The following DCAF6 variants were observed in gnomAD, a reference collection of about 807,000 sequenced individuals.
The protein encoded by DCAF6 is DDB1 and CUL4 associated factor 6, also known as DDB1- and CUL4-associated factor 6.
In DCAF6, 54 loss-of-function variants were observed where a neutral mutation model predicts 125.1. The observed-to-expected ratio is 0.43, with a 90% CI of 0.35 to 0.54. DCAF6 has a LOEUF of 0.54. DCAF6 is among the 20% of genes least tolerant of loss of function. The pLI is 0.01. For missense variants in DCAF6, 934 were observed against 1,161.7 expected (o/e 0.80, Z 2.85); for synonymous variants, 371 against 390.4 (o/e 0.95, Z 0.58).
chr1:168,043,347 C>T (rs1688785928), intron 14 of DCAF6, among the ~76,000 whole-genome samples: 1 of 152,056 alleles, frequency 6.6e-6, no homozygotes, highest in Non-Finnish European at 1.5e-5. Context: ...AAGCACAATC[C>T]TCTTTGTGGA....
At chr1:167,942,298 A>C (rs547671402) in intron 1 of DCAF6, among the ~76,000 whole-genome samples, 9 of 152,270 alleles carry the variant, frequency 5.9e-5, no homozygotes, top group African/African-American at 2.2e-4. Context: ...TCCTGACCTC[A>C]GGTGATTGAC....
the DCAF6 span, among the ~76,000 whole-genome samples, chr1:167,907,013 T>C: frequency 1.1e-4 from 17 of 152,194 alleles, no homozygotes; most frequent in African/African-American, 4.1e-4. Flanking sequence ...GATTGAAAAG[T>C]ATAACAAGCA....
At chr1:167,964,784 T>G (rs1396739002) in intron 2 of DCAF6, among the ~76,000 whole-genome samples, 1 of 152,236 alleles carries the variant, frequency 6.6e-6, no homozygotes, top group Non-Finnish European at 1.5e-5. Flanking sequence ...TATTGATATA[T>G]CCTCAAGGTC....
chr1:167,936,648 A>AG (rs764259610), upstream of DCAF6: 24 of 394,578 alleles, frequency 6.1e-5, no homozygotes, highest in East Asian at 9.1e-4. Flanking sequence ...CTCCTGTTGG[A>AG]GGGGGGCTGA....
At chr1:167,953,846 G>A (rs1332431883) in intron 2 of DCAF6, among the ~76,000 whole-genome samples, 1 of 151,962 alleles carries the variant, frequency 6.6e-6, no homozygotes, top group Non-Finnish European at 1.5e-5. Flanking sequence ...TGATCTGCCC[G>A]CCTTGGCCTC....
chr1:167,959,307 A>G (rs960170320), intron 2 of DCAF6, among the ~76,000 whole-genome samples: 1 of 152,180 alleles, frequency 6.6e-6, no homozygotes, highest in African/African-American at 2.4e-5. Flanking sequence ...GCTTCCAAAA[A>G]TTGGCAGTTA....
chr1:167,930,265 TAA>T, the DCAF6 span, among the ~76,000 whole-genome samples: 1 of 152,134 alleles, frequency 6.6e-6, no homozygotes, highest in African/African-American at 2.4e-5. Context: ...AAAGAACAGG[TAA>T]AGAGACTAAA....
intron 1 of DCAF6, among the ~76,000 whole-genome samples, chr1:167,949,190 A>G (rs1381494061): frequency 6.6e-6 from 1 of 152,184 alleles, no homozygotes; most frequent in African/African-American, 2.4e-5. Flanking sequence ...TGAAGTACAG[A>G]AAGACTTGAG....
chr1:168,051,864 A>G (rs1429123067), intron 17 of DCAF6, among the ~76,000 whole-genome samples: 1 of 150,198 alleles, frequency 6.7e-6, no homozygotes, highest in African/African-American at 2.4e-5. Context: ...TCAAATTATT[A>G]CTAGTTATCA....
intron 16 of DCAF6, among the ~76,000 whole-genome samples, chr1:168,048,228 G>T (rs1689385141): frequency 6.6e-6 from 1 of 152,116 alleles, no homozygotes; most frequent in Admixed American, 6.5e-5. Flanking sequence ...CACCTAAAAG[G>T]ATGTATGTCT....
intron 4 of DCAF6, 94 bp downstream of exon 4, chr1:167,975,109 G>A: frequency 1.4e-6 from 1 of 702,808 alleles, no homozygotes; most frequent in Non-Finnish European, 2.1e-6. Flanking sequence ...TACATGTACA[G>A]ATGTGTGTGT....
At chr1:167,966,230 G>A (rs1020560430) in intron 2 of DCAF6, among the ~76,000 whole-genome samples, 3 of 152,120 alleles carry the variant, frequency 2.0e-5, no homozygotes, top group African/African-American at 7.2e-5. Context: ...AGCTTCTTAC[G>A]TGTGGAACTG....
the DCAF6 span, among the ~76,000 whole-genome samples, chr1:167,881,649 C>A: frequency 6.6e-6 from 1 of 152,234 alleles, no homozygotes; most frequent in African/African-American, 2.4e-5. Context: ...ATAGGCATTA[C>A]ACCAAGTGCC....
Position 168,015,964 on chromosome 1 carries a change from A to G in DCAF6, c.1549+13A>G. On this transcript the variant is annotated intron_variant, in intron 11 of 21. Transcript: ENST00000367840. Reference sequence around the variant, plus strand: ...CCTCATGCTTCAGGTTATTAATGTCAAGTGTCCTTAAGCAGCTGATAGAAT... The same window carrying G: ...CCTCATGCTTCAGGTTATTAATGTCGAGTGTCCTTAAGCAGCTGATAGAAT... The G allele has an allele frequency of 6.8e-7, 1 of 1,462,882 alleles. No homozygotes were observed. The allele number at this position is 1,462,882 out of a possible 1,614,324, so 90.6% of individuals were successfully genotyped here.
rs878871477 is a variant in DCAF6 at position 168,045,100 on chromosome 1, G to A, written c.2131G>A (p.Glu711Lys). The part of the protein sequence containing the change: ...NTNPEPQFQT[E>K]ATGPSAHEET... ...CAATCCTGAGCCTCAGTTCCAAACA[G>A]AAGCCACTGGGCCTTCAGCTCATGA... Residue 711 changes from glutamate to lysine, a missense_variant, in exon 16 of 22, where the codon GAA (glutamate) becomes AAA (lysine). Glu to Lys is a moderately conservative substitution (Grantham distance 56). Transcript: ENST00000367840. The A allele has an allele frequency of 1.2e-6, 2 of 1,614,020 alleles. No individual in the cohort carries two copies. The highest frequency in any genetic ancestry group is 2.2e-5 in the South Asian group (2 of 91,086).
intron 16 of DCAF6, among the ~76,000 whole-genome samples, chr1:168,048,742 T>C (rs1689450525): frequency 6.6e-6 from 1 of 152,194 alleles, no homozygotes; most frequent in Admixed American, 6.5e-5. Flanking sequence ...GTAAATATTT[T>C]GGCTTTGTTG....
At chr1:168,057,246 GT>G (rs1690993250) in intron 17 of DCAF6, among the ~76,000 whole-genome samples, 1 of 152,040 alleles carries the variant, frequency 6.6e-6, no homozygotes, top group African/African-American at 2.4e-5. Flanking sequence ...ATATTTTTTA[GT>G]GCTATTTAAT....
intron 5 of DCAF6, among the ~76,000 whole-genome samples, chr1:167,989,879 C>T (rs1680585235): frequency 6.6e-6 from 1 of 151,464 alleles, no homozygotes; most frequent in Non-Finnish European, 1.5e-5. Context: ...AAAAAAATTA[C>T]TGAGAAGAAT....
the DCAF6 span, chr1:167,875,167 G>A: frequency 6.2e-7 from 1 of 1,614,128 alleles, no homozygotes; most frequent in Non-Finnish European, 8.5e-7. Context: ...TTGCAGATGA[G>A]GCACGCCATA....
Sources: gnomAD v4.1 joint callset for allele counts (sites outside exome capture counted in the v4.1 genomes callset) on GRCh38, gnomAD v4.1.1 for gene constraint, MANE v1.5 for transcripts, NCBI Gene and HGNC (gene_info 2026-07-23, HGNC 2026-07-21) for gene names.